The following DNMT3B variants were observed in gnomAD, a reference collection of about 807,000 sequenced individuals.
DNMT3B encodes the protein DNA (cytosine-5)-methyltransferase 3B.
A neutral mutation model predicts 120.2 loss-of-function variants in DNMT3B; 37 were observed. That is an observed-to-expected ratio of 0.31 (90% CI 0.24 to 0.40). DNMT3B has a LOEUF of 0.40. DNMT3B is among the 10% of genes least tolerant of loss of function. The probability of loss-of-function intolerance (pLI) is 1.00; values close to 1 mark genes in which losing one functional copy is unlikely to be tolerated. For synonymous variants in DNMT3B, 412 were observed against 442.8 expected (o/e 0.93, Z 0.87); for missense variants, 878 against 1,137.3 (o/e 0.77, Z 3.28).
At chr20:32,798,669 C>T in intron 15 of DNMT3B, 26 bp downstream of exon 15, 1 of 1,613,666 alleles carries the variant, frequency 6.2e-7, no homozygotes, top group Non-Finnish European at 8.5e-7. Context: ...CCGCCTCTAC[C>T]ACCACAGATC....
Position 32,808,612 on chromosome 20 carries a change from C to G in DNMT3B, c.*709C>G. 1 of 231,304 alleles carries G rather than the reference C, an allele frequency of 4.3e-6. No individual in the cohort carries two copies. Among genetic ancestry groups the G allele is most frequent in the Non-Finnish European group, 8.6e-6 (1 of 116,772 alleles). 14.3% of individuals were successfully genotyped at this position (231,304 alleles called of 1,614,324 possible). On this transcript the variant is annotated 3_prime_UTR_variant, in exon 23 of 23. Transcript: ENST00000328111. ...CCCACAAACCCAAGGGCAGGGGCCA[C>G]TCTTAGCTAAATCCCTCCCCGTGAC... is the stretch of plus-strand genomic sequence containing the variant.
At chr20:32,778,981 C>G (rs1167794188) in intron 1 of DNMT3B, among the ~76,000 whole-genome samples, 2 of 141,904 alleles carry the variant, frequency 1.4e-5, no homozygotes, top group African/African-American at 5.2e-5. Flanking sequence ...GATGGATGGA[C>G]AGATAGAAGA....
At chr20:32,771,174 A>G (rs77867152) in intron 1 of DNMT3B, among the ~76,000 whole-genome samples, 101 of 152,338 alleles carry the variant, frequency 6.6e-4, no homozygotes, top group African/African-American at 2.4e-3. Context: ...AAGTCTATCC[A>G]TGTTGAAACA....
At chr20:32,790,356 G>A (rs1214137168) in intron 7 of DNMT3B, among the ~76,000 whole-genome samples, 1 of 152,204 alleles carries the variant, frequency 6.6e-6, no homozygotes, top group African/African-American at 2.4e-5. Flanking sequence ...AATGCACTTT[G>A]CAAGATAGAG....
At chr20:32,799,105 C>T (rs1372098903) in intron 15 of DNMT3B, 139 bp from the exon 16 acceptor site, 1 of 886,070 alleles carries the variant, frequency 1.1e-6, no homozygotes. Context: ...CCCCAATCCC[C>T]ATCAAGCCTT....
chr20:32,766,975 T>C (rs1214115389), intron 1 of DNMT3B, among the ~76,000 whole-genome samples: 1 of 152,078 alleles, frequency 6.6e-6, no homozygotes, highest in Non-Finnish European at 1.5e-5. Context: ...ACTGCAACCT[T>C]TGCTTCCCGA....
chr20:32,766,429 T>G (rs568623795), intron 1 of DNMT3B, among the ~76,000 whole-genome samples: 37 of 152,178 alleles, frequency 2.4e-4, no homozygotes, highest in African/African-American at 8.9e-4. Flanking sequence ...AGGCTAACCT[T>G]GAAAGCCTGG....
At position 32,784,411 on chromosome 20, in the gene DNMT3B, G is replaced by T. The variant is rs565382396; in HGVS notation, c.205-347G>T. Among the ~76,000 whole-genome samples the T allele has an allele frequency of 2.6e-5, 4 of 152,326 alleles. No homozygotes were observed. In the South Asian group the frequency reaches 6.2e-4, roughly 24 times the overall value. On this transcript the variant is annotated intron_variant, in intron 3 of 22. Coordinates refer to ENST00000328111, the MANE Select transcript of DNMT3B (RefSeq NM_006892.4). ...ATTCCAATTTTAAAATGAGGGAAATGGACTCAAAGCCACACAGTTGGTGAG... is the reference window on the plus strand; with the variant it reads ...ATTCCAATTTTAAAATGAGGGAAATTGACTCAAAGCCACACAGTTGGTGAG...
intron 1 of DNMT3B, among the ~76,000 whole-genome samples, chr20:32,771,078 C>T (rs1171663332): frequency 6.6e-6 from 1 of 152,118 alleles, no homozygotes; most frequent in Admixed American, 6.5e-5. Flanking sequence ...ACATTTCTAG[C>T]TTTTCTTTGT....
At chr20:32,781,967 T>G (rs1412191525) in intron 3 of DNMT3B, among the ~76,000 whole-genome samples, 6 of 152,320 alleles carry the variant, frequency 3.9e-5, no homozygotes, top group South Asian at 4.1e-4. Flanking sequence ...CGCTGGCAAT[T>G]CAGTTATGCC....
chr20:32,807,669 G>A (rs945192597), intron 22 of DNMT3B, 93 bp from the exon 23 acceptor site: 3 of 1,584,330 alleles, frequency 1.9e-6, no homozygotes, highest in Non-Finnish European at 2.6e-6. Context: ...CTGAGGGATG[G>A]CGAGGGCAGA....
rs1208508674 is a variant in DNMT3B at position 32,765,750 on chromosome 20, CTT to C, written c.-7+3057_-7+3058del. ...TTATTTATTTATTTATTTATTTTTT[CTT>C]TTTTTCTTTTTTTTTTTTTTTGAGA... On this transcript the variant is annotated intron_variant, in intron 1 of 22. Transcript: ENST00000328111. 7.8e-4 allele frequency among the ~76,000 whole-genome samples: 85 copies of C among 108,448 alleles called. 3 individuals carry two copies. Among genetic ancestry groups the C allele is most frequent in the African/African-American group, 3.9e-3 (78 of 20,032 alleles). 71.1% of individuals were successfully genotyped at this position (108,448 alleles called of 152,430 possible). A position where few individuals can be genotyped will look rare whatever the true frequency, so the allele number is the denominator to read the frequency against.
rs568282799 is a variant in DNMT3B at position 32,807,711 on chromosome 20, A to G, written c.2421-51A>G. ...GGGACCTGGCTGGTTGAGGCTGTCAACATCCTGGAGGCACTTCTGACTTGC... is the reference window on the plus strand; with the variant it reads ...GGGACCTGGCTGGTTGAGGCTGTCAGCATCCTGGAGGCACTTCTGACTTGC... On this transcript the variant is annotated intron_variant, in intron 22 of 22. Coordinates refer to ENST00000328111, the MANE Select transcript of DNMT3B (RefSeq NM_006892.4). The G allele has an allele frequency of 9.9e-6, 16 of 1,611,758 alleles. No homozygotes were observed. The Admixed American group carries it at 1.2e-4, about 12-fold the overall frequency.
intron 1 of DNMT3B, among the ~76,000 whole-genome samples, chr20:32,770,330 C>T (rs368471083): frequency 3.0e-4 from 46 of 151,896 alleles, no homozygotes; most frequent in African/African-American, 9.9e-4. Context: ...CTCTTGTTGC[C>T]TAGGCTGGAA....
intron 14 of DNMT3B, 51 bp downstream of exon 14, chr20:32,797,350 A>G (rs1254970917): frequency 5.1e-6 from 8 of 1,559,466 alleles, no homozygotes; most frequent in Non-Finnish European, 7.1e-6. Flanking sequence ...CAAGGCTCCT[A>G]CGTTCCTGCA....
At chr20:32,800,335 CCTGT>C in intron 17 of DNMT3B, 37 bp downstream of exon 17, 6 of 1,613,440 alleles carry the variant, frequency 3.7e-6, no homozygotes, top group Non-Finnish European at 5.1e-6. Flanking sequence ...CTCATCTCTT[CCTGT>C]CTTTTTCCCC....
chr20:32,769,112 T>C (rs925706251), intron 1 of DNMT3B, among the ~76,000 whole-genome samples: 1 of 152,004 alleles, frequency 6.6e-6, no homozygotes, highest in East Asian at 1.9e-4. Flanking sequence ...TGAGACGGAG[T>C]CTTGCTCTGT....
At chr20:32,779,942 G>T in intron 1 of DNMT3B, 2 of 794,592 alleles carry the variant, frequency 2.5e-6, no homozygotes, top group East Asian at 5.3e-5. Context: ...GAGGGGGCCA[G>T]GGCCAGAGGG....
At position 32,769,224 on chromosome 20, in the gene DNMT3B, A is replaced by G. The variant is rs562544017; in HGVS notation, c.-7+6525A>G. 3.0e-3 allele frequency among the ~76,000 whole-genome samples: 463 copies of G among 152,254 alleles called. 2 individuals carry two copies. Among genetic ancestry groups the G allele is most frequent in the African/African-American group, 0.01 (434 of 41,556 alleles). On this transcript the variant is annotated intron_variant, in intron 1 of 22. Coordinates refer to ENST00000328111, the MANE Select transcript of DNMT3B (RefSeq NM_006892.4). ...CTCAGCCTCCCTAGTAGTAGCTGGG[A>G]CTACAGGCGCCCGCCACCTTGCCCG...
Sources: allele counts gnomAD v4.1 joint callset (sites outside exome capture counted in the v4.1 genomes callset), GRCh38; gene constraint gnomAD v4.1.1; transcripts MANE v1.5; gene names NCBI Gene and HGNC (gene_info 2026-07-23, HGNC 2026-07-21).